Variants in GPM6B observed in about 807,000 individuals in gnomAD.
GPM6B encodes the protein neuronal membrane glycoprotein M6-b.
Under a neutral mutation model 27.2 loss-of-function variants are expected in GPM6B, and 4 were observed. The ratio of observed to expected loss-of-function variants is 0.15; its 90% CI spans 0.07 to 0.34. The LOEUF (loss-of-function observed/expected upper bound fraction) is 0.34, where lower values mean the gene tolerates loss of function less well. Among genes scored for constraint, GPM6B ranks in the 10% least tolerant of loss-of-function variants. The pLI, the probability that GPM6B is intolerant of heterozygous loss-of-function variation, is 1.00. For synonymous variants in GPM6B, 124 were observed against 103.1 expected (o/e 1.20, Z -1.23); for missense variants, 183 against 261.9 (o/e 0.70, Z 2.08).
chrX:13,934,971 C>T (rs183063141), intron 1 of GPM6B, among the ~76,000 whole-genome samples: 7 of 110,761 alleles, frequency 6.3e-5, no homozygotes, highest in African/African-American at 2.3e-4. Flanking sequence ...AAACTCAGGC[C>T]CCACCCAGGC....
At chrX:13,895,984 A>G (rs2050228807) in intron 1 of GPM6B, among the ~76,000 whole-genome samples, 1 of 92,049 alleles carries the variant, frequency 1.1e-5, no homozygotes, top group South Asian at 6.3e-4. Flanking sequence ...TTGCTAGAAA[A>G]ACTTTTTTTT....
chrX:13,886,802 C>T (rs1221834730), intron 1 of GPM6B, among the ~76,000 whole-genome samples: 1 of 105,845 alleles, frequency 9.4e-6, no homozygotes, highest in Non-Finnish European at 1.9e-5. Flanking sequence ...CTACAAATGC[C>T]CCCTCTAACA....
rs1172814563 is a variant in GPM6B at position 13,837,719 on chromosome X, G to C, written c.-197-51911C>G. Among the ~76,000 whole-genome samples, 74 of 86,806 alleles carry C rather than the reference G, an allele frequency of 8.5e-4. 2 individuals carry two copies. The highest frequency in any genetic ancestry group is 2.8e-3 in the African/African-American group (69 of 24,617). The allele number at this position is 86,806 out of a possible 115,157, so 75.4% of individuals were successfully genotyped here. The stretch of plus-strand genomic sequence containing the variant: ...TTTCAAAGCAAGTTGGTGGGGGGGG[G>C]GGGGGGGGGAAGCAGAGGGGAAAGC... On this transcript the variant is annotated intron_variant, in intron 1 of 6. Transcript: ENST00000398361.
chrX:13,930,506 C>G (rs1203286694), intron 1 of GPM6B, among the ~76,000 whole-genome samples: 1 of 110,707 alleles, frequency 9.0e-6, no homozygotes, highest in African/African-American at 3.3e-5. Context: ...CCCAGCTACT[C>G]GAGAGACTGA....
chrX:13,804,945 G>A (rs2048995754), intron 2 of GPM6B, among the ~76,000 whole-genome samples: 2 of 111,402 alleles, frequency 1.8e-5, no homozygotes, highest in Admixed American at 1.9e-4. Flanking sequence ...CTGGAAAGGC[G>A]ATGGCATGGC....
intron 1 of GPM6B, among the ~76,000 whole-genome samples, chrX:13,921,399 C>T (rs1041495098): frequency 1.8e-5 from 2 of 111,662 alleles, no homozygotes; most frequent in Admixed American, 1.9e-4. Flanking sequence ...GGGGCTTAGC[C>T]CACAGGGGTT....
chrX:13,802,009 G>T (rs1484594865), intron 2 of GPM6B, among the ~76,000 whole-genome samples: 1 of 110,854 alleles, frequency 9.0e-6, no homozygotes, highest in African/African-American at 3.3e-5. Flanking sequence ...AGTGAACTTC[G>T]GCACCCAAAA....
chrX:13,775,344 G>A (rs1166291617), intron 7 of GPM6B, among the ~76,000 whole-genome samples: 4 of 113,007 alleles, frequency 3.5e-5, no homozygotes, highest in Admixed American at 2.8e-4. Context: ...TGAGTTGCCC[G>A]GTATGCACAT....
chrX:13,821,167 G>T (rs981892585), upstream of GPM6B, among the ~76,000 whole-genome samples: 8 of 111,560 alleles, frequency 7.2e-5, no homozygotes, highest in Admixed American at 4.7e-4. Context: ...TGAGAAGGCT[G>T]AATGATGGGG....
chrX:13,814,326 C>T (rs986395069), intron 1 of GPM6B, among the ~76,000 whole-genome samples: 3 of 111,766 alleles, frequency 2.7e-5, no homozygotes, highest in Admixed American at 9.5e-5. Flanking sequence ...TCACCAACCA[C>T]TGAAAACAGA....
chrX:13,936,843 T>C, intron 1 of GPM6B, among the ~76,000 whole-genome samples: 1 of 112,380 alleles, frequency 8.9e-6, no homozygotes, highest in Non-Finnish European at 1.9e-5. Context: ...TACCCCTAAA[T>C]CAGTCCAAAG....
At chrX:13,872,321 C>T (rs2049987772) in intron 1 of GPM6B, among the ~76,000 whole-genome samples, 1 of 109,715 alleles carries the variant, frequency 9.1e-6, no homozygotes, top group Non-Finnish European at 1.9e-5. Context: ...CAGGCATGTG[C>T]CACCACACCG....
At chrX:13,820,100 A>G (rs1013944275), upstream of GPM6B, among the ~76,000 whole-genome samples, 4 of 111,732 alleles carry the variant, frequency 3.6e-5, no homozygotes, top group Admixed American at 2.8e-4. Context: ...AGGTAGAGAT[A>G]GAAGGCTCAA....
At chrX:13,820,454 A>G (rs920562221), upstream of GPM6B, among the ~76,000 whole-genome samples, 1 of 110,904 alleles carries the variant, frequency 9.0e-6, no homozygotes, top group African/African-American at 3.3e-5. Context: ...AGGTGCTCTT[A>G]GGACATCCTG....
chrX:13,793,290 G>A (rs886493376), intron 2 of GPM6B, among the ~76,000 whole-genome samples: 1 of 110,640 alleles, frequency 9.0e-6, no homozygotes, highest in African/African-American at 3.3e-5. Flanking sequence ...GCCACCCTCT[G>A]ACCCCCTTTG....
rs2048323707 is a variant in GPM6B at position 13,772,716 on chromosome X, C to G, written c.*165G>C. ...ATTTGTTCTAAAGAAAAAGATTTAC[C>G]CACTGGAAGGTTTTCCTAGAGATAC... On this transcript the variant is annotated 3_prime_UTR_variant, in exon 8 of 8. Coordinates refer to ENST00000316715, the MANE Select transcript of GPM6B (RefSeq NM_001001995.3). The G allele has an allele frequency of 2.7e-6, 1 of 367,042 alleles. No individual in the cohort carries two copies. Among genetic ancestry groups the G allele is most frequent in the Admixed American group, 4.9e-5 (1 of 20,456 alleles). 30.2% of individuals were successfully genotyped at this position (367,042 alleles called of 1,213,427 possible). A position where few individuals can be genotyped will look rare whatever the true frequency, so the allele number is the denominator to read the frequency against.
intron 1 of GPM6B, among the ~76,000 whole-genome samples, chrX:13,811,454 G>A (rs950603835): frequency 9.8e-5 from 11 of 112,064 alleles, no homozygotes; most frequent in African/African-American, 3.6e-4. Flanking sequence ...AGCTATATTT[G>A]TTATCTTTCA....
At chrX:13,893,225 G>C in intron 1 of GPM6B, among the ~76,000 whole-genome samples, 1 of 111,222 alleles carries the variant, frequency 9.0e-6, no homozygotes, top group Non-Finnish European at 1.9e-5. Context: ...TCAAGTCAAA[G>C]ATTTTCAGTA....
intron 1 of GPM6B, among the ~76,000 whole-genome samples, chrX:13,809,133 T>C (rs2049077854): frequency 8.9e-6 from 1 of 111,823 alleles, no homozygotes; most frequent in African/African-American, 3.3e-5. Flanking sequence ...AAATAGGTAC[T>C]ATTATTATTC....
Sources: allele counts gnomAD v4.1 joint callset (sites outside exome capture counted in the v4.1 genomes callset), GRCh38; gene constraint gnomAD v4.1.1; transcripts MANE v1.5; gene names NCBI Gene and HGNC (gene_info 2026-07-23, HGNC 2026-07-21).